RNF170: variants seen among roughly 807,000 people sequenced by gnomAD.
RNF170 encodes ring finger protein 170, also known as E3 ubiquitin-protein ligase RNF170.
In RNF170, 12 loss-of-function variants were observed where a neutral mutation model predicts 32.7. The ratio of observed to expected loss-of-function variants is 0.37; its 90% CI spans 0.24 to 0.60. The LOEUF is 0.60. Ranked by LOEUF, RNF170 falls within the 20% of genes least tolerant of loss-of-function variation. The pLI is 0.72. For synonymous variants in RNF170, 91 were observed against 103.6 expected, an observed-to-expected ratio of 0.88 and a Z score of 0.74; for missense variants, 212 against 311.2, an observed-to-expected ratio of 0.68 and a Z score of 2.40.
chr8:42,896,566 C>G lies in RNF170; in HGVS notation c.-90G>C, dbSNP rs1414020569. On this transcript the variant is annotated 5_prime_UTR_variant, in exon 1 of 7. Transcript: ENST00000527424. ...CCAGGACCGCTCCCGCCACCCCTCC[C>G]GGGCAACCCACTAGACGTCCCCTTT... 1 of 453,822 alleles carries G rather than the reference C, an allele frequency of 2.2e-6. No individual in the cohort carries two copies. Among genetic ancestry groups the G allele is most frequent in the Non-Finnish European group, 4.4e-6 (1 of 226,736 alleles). The allele number at this position is 453,822 out of a possible 1,614,324, so 28.1% of individuals were successfully genotyped here.
At position 42,865,401 on chromosome 8, in the gene RNF170, C is replaced by T. The variant is rs758012172; in HGVS notation, c.396+15G>A. On this transcript the variant is annotated intron_variant, in intron 5 of 6. Transcript: ENST00000527424. ...AAACTAGCATAAATGATACTTTCTGCACACAAAACATTACCGTTTGTCTAC... is the reference window on the plus strand; with the variant it reads ...AAACTAGCATAAATGATACTTTCTGTACACAAAACATTACCGTTTGTCTAC... 2.5e-6 allele frequency: 4 copies of T among 1,594,374 alleles called. No homozygotes were observed. Among genetic ancestry groups the T allele is most frequent in the Non-Finnish European group, 3.4e-6 (4 of 1,162,298 alleles).
intron 3 of RNF170, among the ~76,000 whole-genome samples, chr8:42,871,201 G>C (rs1362121303): frequency 6.7e-6 from 1 of 150,084 alleles, no homozygotes; most frequent in Non-Finnish European, 1.5e-5. Context: ...CAGAGACCCT[G>C]TCTCAAAAAA....
At chr8:42,853,223 AC>A (rs1802992376), downstream of RNF170, 2 of 554,290 alleles carry the variant, frequency 3.6e-6, no homozygotes. Flanking sequence ...AGCCGTTGCA[AC>A]CATTATACTG....
chr8:42,885,367 A>T (rs1805734229), intron 2 of RNF170, among the ~76,000 whole-genome samples: 1 of 152,216 alleles, frequency 6.6e-6, no homozygotes. Context: ...TGAACATAGG[A>T]ACACAGATAA....
At position 42,855,502 on chromosome 8, in the gene RNF170, C is replaced by T. The variant is rs1337252071; in HGVS notation, c.*657G>A. The T allele has an allele frequency of 2.0e-5, 25 of 1,273,018 alleles. No individual in the cohort carries two copies. The highest frequency in any genetic ancestry group is 7.6e-5 in the African/African-American group (5 of 65,394). The allele number at this position is 1,273,018 out of a possible 1,614,324, so 78.9% of individuals were successfully genotyped here. A position where few individuals can be genotyped will look rare whatever the true frequency, so the allele number is the denominator to read the frequency against. On this transcript the variant is annotated 3_prime_UTR_variant, in exon 7 of 7. Transcript: ENST00000527424. The stretch of plus-strand genomic sequence containing the variant: ...CTAGGATTACAGGCGTGAGCCACCC[C>T]GCCCGGCCATGTTTTTCATCTTAAT...
chr8:42,855,543 A>C lies in RNF170; in HGVS notation c.*616T>G. Reference sequence around the variant, plus strand: ...TCATCTTAATTCTTCTATTGATTAAAATGTGTTCTGTAAACTAGAATATGA... The same window carrying C: ...TCATCTTAATTCTTCTATTGATTAACATGTGTTCTGTAAACTAGAATATGA... On this transcript the variant is annotated 3_prime_UTR_variant, in exon 7 of 7. Coordinates refer to ENST00000527424, the MANE Select transcript of RNF170 (RefSeq NM_030954.4). 1 of 1,284,152 alleles carries C rather than the reference A, an allele frequency of 7.8e-7. No homozygotes were observed. The highest frequency in any genetic ancestry group is 1.2e-5 in the South Asian group (1 of 80,850). 79.5% of individuals were successfully genotyped at this position (1,284,152 alleles called of 1,614,324 possible). A position where few individuals can be genotyped will look rare whatever the true frequency, so the allele number is the denominator to read the frequency against.
Position 42,854,391 on chromosome 8 carries a change from C to A in RNF170, c.*1768G>T. On this transcript the variant is annotated 3_prime_UTR_variant, in exon 7 of 7. Transcript: ENST00000527424. The stretch of plus-strand genomic sequence containing the variant: ...TGTTGTATGACTTCATTCAAAAACA[C>A]TTTCATCAATAGCATGGGGATTGTA... 6 of 1,287,226 alleles carry A rather than the reference C, an allele frequency of 4.7e-6. No homozygotes were observed. The highest frequency in any genetic ancestry group is 6.1e-6 in the Non-Finnish European group (6 of 988,696). The allele number at this position is 1,287,226 out of a possible 1,614,324, so 79.7% of individuals were successfully genotyped here.
Position 42,856,124 on chromosome 8 carries a change from C to T in RNF170, c.*35G>A, listed in dbSNP as rs1803229253. 3 of 1,610,184 alleles carry T rather than the reference C, an allele frequency of 1.9e-6. No homozygotes were observed. The highest frequency in any genetic ancestry group is 2.5e-6 in the Non-Finnish European group (3 of 1,179,402). On this transcript the variant is annotated 3_prime_UTR_variant, in exon 7 of 7. Coordinates refer to ENST00000527424, the MANE Select transcript of RNF170 (RefSeq NM_030954.4). ...TTCTGTTTGATGTTCTACATTAGCTCAGATATCCTAGTAAACTCAGTTTTG... is the reference window on the plus strand; with the variant it reads ...TTCTGTTTGATGTTCTACATTAGCTTAGATATCCTAGTAAACTCAGTTTTG...
In RNF170 at chr8:42,855,880, A is replaced by C; in HGVS notation, c.*279T>G. 1 of 1,197,956 alleles carries C rather than the reference A, an allele frequency of 8.3e-7. No individual in the cohort carries two copies. Among genetic ancestry groups the C allele is most frequent in the Non-Finnish European group, 1.1e-6 (1 of 917,370 alleles). The allele number at this position is 1,197,956 out of a possible 1,614,324, so 74.2% of individuals were successfully genotyped here. On this transcript the variant is annotated 3_prime_UTR_variant, in exon 7 of 7. Transcript: ENST00000527424. ...GGGGAAAAGAAAAATATATAAAAGC[A>C]TCCCTTTTTATATAATTCCATATTT...
At chr8:42,853,003 A>G (rs192444223), downstream of RNF170, among the ~76,000 whole-genome samples, 70 of 149,376 alleles carry the variant, frequency 4.7e-4, 1 homozygote, top group East Asian at 0.013. Context: ...GCACACATCT[A>G]TAGTCCCAGC....
At chr8:42,866,814 T>G (rs1352016082) in intron 4 of RNF170, among the ~76,000 whole-genome samples, 2 of 152,154 alleles carry the variant, frequency 1.3e-5, no homozygotes, top group African/African-American at 4.8e-5. Flanking sequence ...GTGCCAAGTG[T>G]ATAAGCACCA....
chr8:42,855,397 G>A lies in RNF170; in HGVS notation c.*762C>T. The A allele has an allele frequency of 1.5e-6, 1 of 661,878 alleles. No homozygotes were observed. Among genetic ancestry groups the A allele is most frequent in the Non-Finnish European group, 2.3e-6 (1 of 441,558 alleles). 41.0% of individuals were successfully genotyped at this position (661,878 alleles called of 1,614,324 possible). A position where few individuals can be genotyped will look rare whatever the true frequency, so the allele number is the denominator to read the frequency against. ...TGGCTAATTTTTTGTATTTTTAGTA[G>A]AGACGGGGTTTCACCATGTTAGCCA... On this transcript the variant is annotated 3_prime_UTR_variant, in exon 7 of 7. Coordinates refer to ENST00000527424, the MANE Select transcript of RNF170 (RefSeq NM_030954.4).
chr8:42,888,105 G>T (rs1293484394), intron 1 of RNF170, among the ~76,000 whole-genome samples: 1 of 151,938 alleles, frequency 6.6e-6, no homozygotes, highest in African/African-American at 2.4e-5. Context: ...TTGCTCTGTT[G>T]CCAGGCTGGA....
downstream of RNF170, chr8:42,851,087 C>T: frequency 6.6e-7 from 1 of 1,511,682 alleles, no homozygotes. Context: ...AGCCTTCCTG[C>T]TTCTTCAACC....
chr8:42,896,453 G>C (rs747349798), intron 1 of RNF170, 31 bp downstream of exon 1: 3 of 453,770 alleles, frequency 6.6e-6, no homozygotes, highest in South Asian at 4.7e-5. Context: ...GCCCCGATAG[G>C]GTGGGCGTGG....
intron 5 of RNF170, among the ~76,000 whole-genome samples, chr8:42,864,724 T>A (rs1440682055): frequency 6.6e-6 from 1 of 151,488 alleles, no homozygotes; most frequent in Non-Finnish European, 1.5e-5. Flanking sequence ...AAAAAAAAAA[T>A]CATTATATAC....
chr8:42,874,000 T>C lies in RNF170; in HGVS notation c.144A>G (p.Val48=). ...ATLVYALFRN[V]HQNIHPENQE... ...GGTTTTCTGGGTGAATGTTTTGATG[T>C]ACATTTCTGTTGAATAGAATATAAT... The change falls in exon 3 of 7, where the codon GTA becomes GTG. Residue 48 remains valine, a synonymous_variant. Transcript: ENST00000527424. 6.3e-7 allele frequency: 1 copy of C among 1,578,956 alleles called. No individual in the cohort carries two copies. Among genetic ancestry groups the C allele is most frequent in the Non-Finnish European group, 8.7e-7 (1 of 1,148,300 alleles).
chr8:42,896,365 G>C (rs1295729006), intron 1 of RNF170, 119 bp downstream of exon 1: 2 of 422,352 alleles, frequency 4.7e-6, no homozygotes, highest in Admixed American at 5.3e-5. Context: ...AGGAGGCGGC[G>C]ACTCCCGCCG....
Position 42,856,255 on chromosome 8 carries a change from A to G in RNF170, c.681T>C (p.Ile227=). 6.2e-7 allele frequency: 1 copy of G among 1,607,458 alleles called. No homozygotes were observed. Among genetic ancestry groups the G allele is most frequent in the Non-Finnish European group, 8.5e-7 (1 of 1,178,036 alleles). Residue 227 remains isoleucine (I), a synonymous_variant, in exon 7 of 7, where the codon ATT becomes ATC. Coordinates refer to ENST00000527424, the MANE Select transcript of RNF170 (RefSeq NM_030954.4). ...CAAAGAAATCATCTAGAAAGCCTAG[A>G]ATTCCAAACAAGGCTTCAGGTACAA... is the stretch of plus-strand genomic sequence containing the variant. ...LDFVPEALFG[I]LGFLDDFFVI... is the part of the protein sequence containing the mutation.
Sources: allele counts gnomAD v4.1 joint callset (sites outside exome capture counted in the v4.1 genomes callset), GRCh38; gene constraint gnomAD v4.1.1; transcripts MANE v1.5; gene names NCBI Gene and HGNC (gene_info 2026-07-23, HGNC 2026-07-21).